The following CEBPZOS variants were observed in gnomAD, a reference collection of about 807,000 sequenced individuals.
CEBPZOS encodes protein CEBPZOS.
CEBPZOS carries 10 observed loss-of-function variants against 4.8 expected under a neutral mutation model. That is an observed-to-expected ratio of 2.07 (90% CI 1.28 to 3.52). The LOEUF (loss-of-function observed/expected upper bound fraction) is 3.52, where lower values mean the gene tolerates loss of function less well. Ranked by LOEUF, CEBPZOS falls within the 30% of genes most tolerant of loss-of-function variation. The pLI is 0.00. For missense variants in CEBPZOS, 98 were observed against 43.6 expected, an observed-to-expected ratio of 2.25 and a Z score of -3.51; for synonymous variants, 25 against 14.2, an observed-to-expected ratio of 1.77 and a Z score of -1.72.
chr2:37,197,912 G>A (rs929369326), intron 1 of CEBPZOS, among the ~76,000 whole-genome samples: 2 of 151,908 alleles, frequency 1.3e-5, no homozygotes, highest in Non-Finnish European at 2.9e-5. Context: ...TGTAATCCTA[G>A]CACTTTGGGA....
chr2:37,197,706 C>G (rs919253368), intron 1 of CEBPZOS, among the ~76,000 whole-genome samples: 19 of 151,862 alleles, frequency 1.3e-4, no homozygotes, highest in African/African-American at 3.6e-4. Context: ...CTCTACTAAA[C>G]ATACAAAAAA....
rs1243772401 is a variant in CEBPZOS at position 37,204,533 on chromosome 2, C to A, written c.*2673C>A. 1 of 152,214 alleles carries A rather than the reference C, an allele frequency of 6.6e-6. No homozygotes were observed. Among genetic ancestry groups the A allele is most frequent in the Admixed American group, 6.5e-5 (1 of 15,268 alleles). The allele number at this position is 152,214 out of a possible 1,614,324, so 9.4% of individuals were successfully genotyped here. A position where few individuals can be genotyped will look rare whatever the true frequency, so the allele number is the denominator to read the frequency against. On this transcript the variant is annotated 3_prime_UTR_variant, in exon 5 of 5. Coordinates refer to ENST00000402297, the MANE Select transcript of CEBPZOS (RefSeq NM_001322374.2). ...CCTTGTGATCTACCTGCCTTGGCCTCCCAAAGTGCTGGGATTACAGGCGTG... is the reference window on the plus strand; with the variant it reads ...CCTTGTGATCTACCTGCCTTGGCCTACCAAAGTGCTGGGATTACAGGCGTG...
chr2:37,208,639 C>A (rs544538434), downstream of CEBPZOS, among the ~76,000 whole-genome samples: 1 of 152,170 alleles, frequency 6.6e-6, no homozygotes, highest in East Asian at 1.9e-4. Context: ...AAGGGACGTA[C>A]CTTAAAAGTA....
intron 4 of CEBPZOS, chr2:37,210,892 A>C (rs1677700328): frequency 2.1e-5 from 10 of 477,534 alleles, no homozygotes; most frequent in South Asian, 8.3e-5. Context: ...AACCCCCCCC[A>C]CCCCTGAATT....
At chr2:37,198,151 C>T (rs2148315947) in intron 1 of CEBPZOS, among the ~76,000 whole-genome samples, 1 of 152,038 alleles carries the variant, frequency 6.6e-6, no homozygotes, top group South Asian at 2.1e-4. Context: ...CAGAGCGAGA[C>T]CGTGTCTCCA....
chr2:37,212,189 G>C lies in CEBPZOS; in HGVS notation c.*3-1248G>C, dbSNP rs145269987. ...GTAAATAATAACGTGCTTTATAAATGTCAAAGATGAAAGTACTGTATCCAC... is the reference window on the plus strand; with the variant it reads ...GTAAATAATAACGTGCTTTATAAATCTCAAAGATGAAAGTACTGTATCCAC... On this transcript the variant is annotated intron_variant, in intron 4 of 4. Transcript: ENST00000397064. 1,935 of 981,908 alleles carry C rather than the reference G, an allele frequency of 2.0e-3. 20 individuals carry two copies. The African/African-American group carries it at 0.022, about 11-fold the overall frequency. The allele number at this position is 981,908 out of a possible 1,614,324, so 60.8% of individuals were successfully genotyped here. A position where few individuals can be genotyped will look rare whatever the true frequency, so the allele number is the denominator to read the frequency against.
chr2:37,197,075 C>A (rs1010970998), intron 1 of CEBPZOS, among the ~76,000 whole-genome samples: 8 of 152,186 alleles, frequency 5.3e-5, no homozygotes, highest in African/African-American at 1.7e-4. Flanking sequence ...GTCTCAGCCC[C>A]GTGTGATGTT....
At chr2:37,197,951 A>G (rs191741572) in intron 1 of CEBPZOS, among the ~76,000 whole-genome samples, 29 of 152,302 alleles carry the variant, frequency 1.9e-4, no homozygotes, top group African/African-American at 6.7e-4. Flanking sequence ...GCCTGAGCTC[A>G]GGAGTTGGGG....
chr2:37,197,116 C>G (rs557820937), intron 1 of CEBPZOS: 1 of 153,172 alleles, frequency 6.5e-6, no homozygotes, highest in East Asian at 1.9e-4. Context: ...TGCGCCGAAT[C>G]TGTCAGAGGC....
chr2:37,198,469 GT>G (rs957749740), intron 1 of CEBPZOS: 6 of 152,174 alleles, frequency 3.9e-5, no homozygotes, highest in African/African-American at 1.4e-4. Flanking sequence ...CAAAAGGAAG[GT>G]TATTTGATTA....
Position 37,196,510 on chromosome 2 carries a change from A to ACG in CEBPZOS, c.-10_-9dup, listed in dbSNP as rs1676942401. On this transcript the variant is annotated 5_prime_UTR_variant, in exon 1 of 5. Transcript: ENST00000402297. ...GTTGCGCATGCGCAGTCCCCCTTGA[A>ACG]CGCACCTCAGGTAAGACTCTGGCGA... 1 of 152,164 alleles carries ACG rather than the reference A, an allele frequency of 6.6e-6. No homozygotes were observed. The highest frequency in any genetic ancestry group is 2.1e-4 in the South Asian group (1 of 4,828). 9.4% of individuals were successfully genotyped at this position (152,164 alleles called of 1,614,324 possible). A position where few individuals can be genotyped will look rare whatever the true frequency, so the allele number is the denominator to read the frequency against.
downstream of CEBPZOS, chr2:37,214,864 G>A: frequency 6.6e-7 from 1 of 1,512,096 alleles, no homozygotes; most frequent in Middle Eastern, 1.8e-4. Flanking sequence ...TTCCCCAAAT[G>A]AAACTATATT....
chr2:37,214,074 C>A (rs777765473), downstream of CEBPZOS: 21 of 497,274 alleles, frequency 4.2e-5, no homozygotes, highest in Non-Finnish European at 6.2e-5. Context: ...CTTAAGTATA[C>A]TCAATTGGAA....
intron 4 of CEBPZOS, chr2:37,210,887 C>T: frequency 1.8e-6 from 1 of 552,676 alleles, no homozygotes. Context: ...AAAAGAACCC[C>T]CCCCACCCCT....
At chr2:37,197,144 C>T (rs1676984027) in intron 1 of CEBPZOS, 1 of 152,794 alleles carries the variant, frequency 6.5e-6, no homozygotes, top group African/African-American at 2.4e-5. Context: ...TGTTAAACTT[C>T]ACCTAAACTT....
Position 37,211,537 on chromosome 2 carries a change from T to G in CEBPZOS, c.*3-1900T>G, listed in dbSNP as rs1446419964. The G allele has an allele frequency of 2.4e-5, 7 of 293,870 alleles. No homozygotes were observed. The East Asian group carries it at 3.2e-4, about 13-fold the overall frequency. The allele number at this position is 293,870 out of a possible 1,614,324, so 18.2% of individuals were successfully genotyped here. Reference sequence around the variant, plus strand: ...GCTATGATGAATACTGATTAACTTTTATAAACTGCTAATTACTATCAAAAA... The same window carrying G: ...GCTATGATGAATACTGATTAACTTTGATAAACTGCTAATTACTATCAAAAA... On this transcript the variant is annotated intron_variant, in intron 4 of 4. Transcript: ENST00000397064.
chr2:37,201,687 A>C lies in CEBPZOS; in HGVS notation c.206A>C (p.Glu69Ala), dbSNP rs1677244418. ...TEKSGMYGIR[E>A]LDQKTWLNSK... ...AAGTCTGGAATGTATGGAATCAGAG[A>C]GCTAGATCAAAAAACATGGTTGAAC... The change falls in exon 4 of 5, where the codon GAG becomes GCG. Residue 69 changes from glutamate to alanine, a missense_variant. Transcript: ENST00000402297. 1.2e-6 allele frequency: 1 copy of C among 866,554 alleles called. No individual in the cohort carries two copies. The highest frequency in any genetic ancestry group is 1.9e-6 in the Non-Finnish European group (1 of 521,150). The allele number at this position is 866,554 out of a possible 1,614,324, so 53.7% of individuals were successfully genotyped here. A position where few individuals can be genotyped will look rare whatever the true frequency, so the allele number is the denominator to read the frequency against.
downstream of CEBPZOS, among the ~76,000 whole-genome samples, chr2:37,215,879 T>A (rs1347526300): frequency 6.6e-6 from 1 of 151,060 alleles, no homozygotes; most frequent in African/African-American, 2.4e-5. Context: ...AGCTGGGTGA[T>A]GGTAATGGGG....
downstream of CEBPZOS, among the ~76,000 whole-genome samples, chr2:37,214,726 T>C (rs568428566): frequency 6.6e-6 from 1 of 152,308 alleles, no homozygotes; most frequent in East Asian, 1.9e-4. Flanking sequence ...AAATGAAGCA[T>C]TTAAAACTAA....
Sources: allele counts gnomAD v4.1 joint callset (sites outside exome capture counted in the v4.1 genomes callset), GRCh38; gene constraint gnomAD v4.1.1; transcripts MANE v1.5; gene names NCBI Gene and HGNC (gene_info 2026-07-23, HGNC 2026-07-21).